The following PELP1 variants were observed in gnomAD, a reference collection of about 807,000 sequenced individuals.
PELP1 encodes proline, glutamate and leucine rich protein 1, also known as proline-, glutamic acid- and leucine-rich protein 1.
In PELP1, 32 loss-of-function variants were observed where a neutral mutation model predicts 95.5. That is an observed-to-expected ratio of 0.34 (90% CI 0.25 to 0.45). The LOEUF (loss-of-function observed/expected upper bound fraction) is 0.45, where lower values mean the gene tolerates loss of function less well. PELP1 is among the 20% of genes least tolerant of loss of function. The pLI is 1.00. For synonymous variants in PELP1, 668 were observed against 600.1 expected (o/e 1.11, Z -1.65); for missense variants, 1,358 against 1,444.8 (o/e 0.94, Z 0.97).
intron 5 of PELP1, 59 bp from the exon 6 acceptor site, chr17:4,676,871 ACATCC>A: frequency 7.7e-7 from 1 of 1,298,724 alleles, no homozygotes; most frequent in East Asian, 2.5e-5. Flanking sequence ...CCAGAGATGT[ACATCC>A]CATCCGTTCC....
chr17:4,675,101 G>A lies in PELP1; in HGVS notation c.1252C>T (p.Pro418Ser). 6.2e-7 allele frequency: 1 copy of A among 1,613,808 alleles called. No homozygotes were observed. The highest frequency in any genetic ancestry group is 8.5e-7 in the Non-Finnish European group (1 of 1,179,784). Residue 418 changes from proline to serine, a missense_variant, in exon 11 of 17, where the codon CCA becomes TCA. By Grantham distance (74) the Pro-to-Ser change is moderately conservative. This residue lies in a region of PELP1 where 538 missense variants were observed against 628.1 expected (regional missense o/e 0.86). Coordinates refer to ENST00000572293, the MANE Select transcript of PELP1 (RefSeq NM_014389.3). The surrounding 1 kb of genome is among the most constrained non-coding windows in gnomAD (Gnocchi z 4.3). ...CACCTGTAAGGCCTCTCCTGGCCTG[G>A]AGAGAGGGAATCTCTACCGATGCTC... ...SWSIGRDSLS[P>S]GQERPYSTVR...
intron 3 of PELP1, among the ~76,000 whole-genome samples, chr17:4,684,034 G>A (rs1001599199): frequency 5.3e-5 from 8 of 151,738 alleles, no homozygotes; most frequent in Non-Finnish European, 7.4e-5. Context: ...CCATCTCTTC[G>A]AGGTTGTTGC....
rs34278447 is a variant in PELP1, at chr17:4,700,992, TAAA to T, written c.249+2868_249+2870del. 3.4e-4 allele frequency among the ~76,000 whole-genome samples: 10 copies of T among 29,428 alleles called. No individual in the cohort carries two copies. The South Asian group carries it at 5.7e-3, about 17-fold the overall frequency. The allele number at this position is 29,428 out of a possible 152,430, so 19.3% of individuals were successfully genotyped here. ...AAAGAAAGAAAAAGCAAAGTTCCAC[TAAA>T]AAAAAAAAAAAAAAAAAAAAGCCAA... On this transcript the variant is annotated intron_variant, in intron 1 of 16. Transcript: ENST00000572293.
At chr17:4,681,852 T>TA (rs925770079) in intron 5 of PELP1, among the ~76,000 whole-genome samples, 28 of 148,260 alleles carry the variant, frequency 1.9e-4, no homozygotes, top group East Asian at 8.0e-4. Context: ...GTTAAAAATT[T>TA]AAAAAAAAAA....
In PELP1 at chr17:4,673,722, C is replaced by G; in HGVS notation, c.1583-48G>C. ...AAAGGGTAGGCTCCCAACAGACTGA[C>G]GGCAAGGGCTTCTGAAGCATACAGC... On this transcript the variant is annotated intron_variant, in intron 13 of 16. Coordinates refer to ENST00000572293, the MANE Select transcript of PELP1 (RefSeq NM_014389.3). This position sits in a 1 kb window ranked among gnomAD's most constrained non-coding sequence, Gnocchi z 5.7. 1 of 1,539,180 alleles carries G rather than the reference C, an allele frequency of 6.5e-7. No individual in the cohort carries two copies. The highest frequency in any genetic ancestry group is 1.1e-5 in the South Asian group (1 of 89,590).
chr17:4,675,917 G>A lies in PELP1; in HGVS notation c.981-33C>T, dbSNP rs1912448647. The stretch of plus-strand genomic sequence containing the variant: ...GAATCAGAGCAGGGAGACCTTCAGA[G>A]CAGGCTCCCTGGCATAACTCCCACA... On this transcript the variant is annotated intron_variant, in intron 8 of 16. Coordinates refer to ENST00000572293, the MANE Select transcript of PELP1 (RefSeq NM_014389.3). The surrounding 1 kb of genome is among the most constrained non-coding windows in gnomAD (Gnocchi z 4.3). 1 of 1,575,530 alleles carries A rather than the reference G, an allele frequency of 6.3e-7. No homozygotes were observed. The highest frequency in any genetic ancestry group is 1.8e-5 in the Admixed American group (1 of 55,366).
chr17:4,676,722 C>T lies in PELP1; in HGVS notation c.702+31G>A, dbSNP rs754880277. On this transcript the variant is annotated intron_variant, in intron 6 of 16. Coordinates refer to ENST00000572293, the MANE Select transcript of PELP1 (RefSeq NM_014389.3). ...AAGAGACAATCCAGGCTCAGATCCC[C>T]GGGCTCTCCCTCTCCCTCCCTGCCC... is the stretch of plus-strand genomic sequence containing the variant. The T allele has an allele frequency of 5.0e-5, 77 of 1,542,124 alleles. 1 individual carries two copies. In the East Asian group the frequency reaches 1.5e-3, roughly 31 times the overall value.
intron 1 of PELP1, among the ~76,000 whole-genome samples, chr17:4,702,964 C>G (rs76040669): frequency 0.065 from 9,932 of 152,158 alleles, 416 homozygotes; most frequent in Middle Eastern, 0.14. Flanking sequence ...GTGGACAGAT[C>G]TGAAAACTAC....
chr17:4,704,086 G>T lies in PELP1; in HGVS notation c.26C>A (p.Pro9His). The change falls in exon 1 of 17, where the codon CCC (proline) becomes CAC (histidine). Residue 9 changes from proline (P) to histidine (H), a missense_variant. By Grantham distance (77) the Pro-to-His change is moderately conservative (BLOSUM62 -2). This residue lies in a region of PELP1 where 169 missense variants were observed against 134.9 expected (regional missense o/e 1.25). Coordinates refer to ENST00000572293, the MANE Select transcript of PELP1 (RefSeq NM_014389.3). ...AACCCCAGCCGCGGAGCCCGCAGAGGGCCCACTCAGAACGGCTGCCGCCAT... is the reference window on the plus strand; with the variant it reads ...AACCCCAGCCGCGGAGCCCGCAGAGTGCCCACTCAGAACGGCTGCCGCCAT... MAAAVLSG[P>H]SAGSAAGVPG... The T allele has an allele frequency of 1.2e-6, 2 of 1,610,504 alleles. No homozygotes were observed. Among genetic ancestry groups the T allele is most frequent in the Non-Finnish European group, 1.7e-6 (2 of 1,179,218 alleles).
At position 4,670,408 on chromosome 17, in the gene PELP1, A is replaced by G. The variant is rs1034467435; in HGVS notation, c.*1031T>C. 6 of 152,188 alleles carry G rather than the reference A, an allele frequency of 3.9e-5. No homozygotes were observed. The highest frequency in any genetic ancestry group is 1.4e-4 in the African/African-American group (6 of 41,440). 9.4% of individuals were successfully genotyped at this position (152,188 alleles called of 1,614,324 possible). On this transcript the variant is annotated 3_prime_UTR_variant, in exon 17 of 17. Coordinates refer to ENST00000572293, the MANE Select transcript of PELP1 (RefSeq NM_014389.3). ...ACACGTCCATCCCAGCAAGGCCTAG[A>G]ATAGGATTAGTGCTTAAAGAAAAGA...
At chr17:4,678,986 G>A (rs1376781645) in intron 5 of PELP1, among the ~76,000 whole-genome samples, 1 of 151,838 alleles carries the variant, frequency 6.6e-6, no homozygotes, top group Non-Finnish European at 1.5e-5. Context: ...AACCGACAAA[G>A]CCAAAACCCT....
intron 3 of PELP1, among the ~76,000 whole-genome samples, chr17:4,689,800 G>A (rs544454847): frequency 6.6e-6 from 1 of 152,326 alleles, no homozygotes; most frequent in South Asian, 2.1e-4. Context: ...GGCCAAGGCA[G>A]GTGGATCACG....
In PELP1 at chr17:4,675,979, C is replaced by T. The variant is rs987901054; in HGVS notation, c.980+57G>A. 2.1e-4 allele frequency: 341 copies of T among 1,606,256 alleles called. 4 individuals are homozygous for T. Among genetic ancestry groups the T allele is most frequent in the Admixed American group, 1.8e-4 (11 of 59,596 alleles). On this transcript the variant is annotated intron_variant, in intron 8 of 16. Transcript: ENST00000572293. This position sits in a 1 kb window ranked among gnomAD's most constrained non-coding sequence, Gnocchi z 4.3. ...CTCCTTTCTCCTGATGAAGGCGACA[C>T]TCCCTCATCAATCCCTCCTGCTCCA...
chr17:4,696,963 G>A (rs375363025), intron 1 of PELP1: 1 of 152,166 alleles, frequency 6.6e-6, no homozygotes, highest in Admixed American at 6.6e-5. Flanking sequence ...AATCTGTGAT[G>A]TGTATTTAAC....
Position 4,675,785 on chromosome 17 carries a change from A to C in PELP1, c.1068+12T>G. On this transcript the variant is annotated intron_variant, in intron 9 of 16. Transcript: ENST00000572293. The surrounding 1 kb of genome is among the most constrained non-coding windows in gnomAD (Gnocchi z 4.3). ...GAGCAAGGGCTCTGAAGAGATGACA[A>C]ATCCCACTTACAATATTCTTGCTAC... The C allele has an allele frequency of 6.4e-7, 1 of 1,550,570 alleles. No individual in the cohort carries two copies. The highest frequency in any genetic ancestry group is 8.8e-7 in the Non-Finnish European group (1 of 1,141,676).
Position 4,673,228 on chromosome 17 carries a change from G to A in PELP1, c.1845+22C>T. 2 of 1,551,414 alleles carry A rather than the reference G, an allele frequency of 1.3e-6. No homozygotes were observed. Among genetic ancestry groups the A allele is most frequent in the South Asian group, 2.4e-5 (2 of 84,850 alleles). The stretch of plus-strand genomic sequence containing the variant: ...ACAAGAGACTCCAGGAACCAAAGAG[G>A]GGCTTGGCCCATCACAGTTACCTCA... On this transcript the variant is annotated intron_variant, in intron 15 of 16. Transcript: ENST00000572293. The surrounding 1 kb of genome is among the most constrained non-coding windows in gnomAD (Gnocchi z 5.7).
chr17:4,703,824 C>A, intron 1 of PELP1, 39 bp downstream of exon 1: 1 of 1,560,742 alleles, frequency 6.4e-7, no homozygotes, highest in East Asian at 2.3e-5. Context: ...CCGCGCCATC[C>A]TCCCCACAGG....
At chr17:4,693,384 T>C (rs72824966) in intron 1 of PELP1, among the ~76,000 whole-genome samples, 24,559 of 152,210 alleles carry the variant, frequency 0.16, 2,592 homozygotes, top group Non-Finnish European at 0.25. Flanking sequence ...GCCTGAAACC[T>C]CAGAAACTTC....
At chr17:4,679,844 C>T (rs1912627680) in intron 5 of PELP1, among the ~76,000 whole-genome samples, 1 of 152,222 alleles carries the variant, frequency 6.6e-6, no homozygotes, top group Admixed American at 6.5e-5. Context: ...AGCAAGGACA[C>T]AACCCCTCGC....
Sources: allele counts gnomAD v4.1 joint callset (sites outside exome capture counted in the v4.1 genomes callset), GRCh38; gene constraint gnomAD v4.1.1; regional missense constraint gnomAD v4.1.1; non-coding constraint Gnocchi (gnomAD v3.1); transcripts MANE v1.5; gene names NCBI Gene and HGNC (gene_info 2026-07-23, HGNC 2026-07-21).